GPC3: variants seen among roughly 807,000 people sequenced by gnomAD.
GPC3 encodes the protein glypican 3, also known as glypican-3.
GPC3 carries 3 observed loss-of-function variants against 34.4 expected under a neutral mutation model. The ratio of observed to expected loss-of-function variants is 0.09; its 90% confidence interval spans 0.04 to 0.23. The LOEUF is 0.23. Ranked by LOEUF, GPC3 falls within the 10% of genes least tolerant of loss-of-function variation. The probability of loss-of-function intolerance (pLI) is 1.00; values close to 1 mark genes in which losing one functional copy is unlikely to be tolerated. For synonymous variants in GPC3, 177 were observed against 174.0 expected (o/e 1.02, Z -0.13); for missense variants, 351 against 445.6 (o/e 0.79, Z 1.91).
At chrX:133,759,487 A>G (rs1275861150) in intron 2 of GPC3, among the ~76,000 whole-genome samples, 2 of 112,344 alleles carry the variant, frequency 1.8e-5, no homozygotes, top group Non-Finnish European at 3.8e-5. Flanking sequence ...GATCTTTGAC[A>G]AAAGAGCAGA....
intron 1 of GPC3, among the ~76,000 whole-genome samples, chrX:133,982,323 C>A (rs1016003547): frequency 9.0e-6 from 1 of 111,690 alleles, no homozygotes; most frequent in Non-Finnish European, 1.9e-5. Flanking sequence ...TAACTCTGTG[C>A]GCCTGGTTTC....
intron 3 of GPC3, among the ~76,000 whole-genome samples, chrX:133,707,716 T>C (rs2071230719): frequency 9.0e-6 from 1 of 111,585 alleles, no homozygotes; most frequent in African/African-American, 3.3e-5. Flanking sequence ...ATAATTAATA[T>C]AATTAATAGT....
At chrX:133,825,812 G>A (rs2075743290) in intron 2 of GPC3, among the ~76,000 whole-genome samples, 1 of 111,799 alleles carries the variant, frequency 8.9e-6, no homozygotes, top group African/African-American at 3.3e-5. Context: ...CTAAGGCAGA[G>A]TTGTCAACTG....
chrX:133,586,175 C>T (rs1035370135), intron 7 of GPC3, among the ~76,000 whole-genome samples: 7 of 111,797 alleles, frequency 6.3e-5, no homozygotes, highest in African/African-American at 2.0e-4. Flanking sequence ...TTAACCTTTG[C>T]TCATTCTCAT....
chrX:133,966,139 C>T (rs921610682), intron 1 of GPC3, among the ~76,000 whole-genome samples: 17 of 112,160 alleles, frequency 1.5e-4, no homozygotes, highest in Non-Finnish European at 3.0e-4. Context: ...GCCCATATTC[C>T]AGAAAGTCTG....
At chrX:133,644,872 C>T (rs929369915) in intron 6 of GPC3, among the ~76,000 whole-genome samples, 6 of 110,835 alleles carry the variant, frequency 5.4e-5, no homozygotes, top group African/African-American at 2.0e-4. Flanking sequence ...CCTCCGCCTC[C>T]CAGGTTCAAG....
intron 6 of GPC3, among the ~76,000 whole-genome samples, chrX:133,657,698 A>G (rs775772292): frequency 2.7e-5 from 3 of 111,502 alleles, no homozygotes; most frequent in African/African-American, 9.8e-5. Context: ...TCAAGGTTAT[A>G]CCATGGGACT....
intron 2 of GPC3, among the ~76,000 whole-genome samples, chrX:133,839,656 C>T (rs892670984): frequency 9.0e-6 from 1 of 110,569 alleles, no homozygotes; most frequent in African/African-American, 3.3e-5. Flanking sequence ...ACAGGCCTGG[C>T]GTGGTGGCTT....
chrX:133,808,410 A>G (rs2075647064), intron 2 of GPC3, among the ~76,000 whole-genome samples: 1 of 112,381 alleles, frequency 8.9e-6, no homozygotes, highest in African/African-American at 3.2e-5. Context: ...CCCAAAATAC[A>G]ACTCAAAGCT....
At chrX:133,679,388 G>A (rs1270464144) in intron 5 of GPC3, among the ~76,000 whole-genome samples, 1 of 111,229 alleles carries the variant, frequency 9.0e-6, no homozygotes, top group East Asian at 2.8e-4. Flanking sequence ...TCTTATTGGA[G>A]GCTCACAGCA....
Position 133,649,266 on chromosome X carries a change from A to ATG in GPC3, c.1413+12463_1413+12464insCA, listed in dbSNP as rs202148663. ...CCTAATAAATGACGAGGATATATATATATGTGTGTGTGTGTGTGTGTGTGT... is the reference window on the plus strand; with the variant it reads ...CCTAATAAATGACGAGGATATATATATGTATGTGTGTGTGTGTGTGTGTGTGT... On this transcript the variant is annotated intron_variant, in intron 6 of 7. Coordinates refer to ENST00000370818, the MANE Select transcript of GPC3 (RefSeq NM_004484.4). 6.6e-3 allele frequency among the ~76,000 whole-genome samples: 655 copies of ATG among 99,510 alleles called. 3 individuals carry two copies. The highest frequency in any genetic ancestry group is 0.022 in the African/African-American group (615 of 27,843). 86.4% of individuals were successfully genotyped at this position (99,510 alleles called of 115,157 possible). A position where few individuals can be genotyped will look rare whatever the true frequency, so the allele number is the denominator to read the frequency against.
chrX:133,539,928 A>C lies in GPC3; in HGVS notation c.1574-3635T>G, dbSNP rs754498872. Among the ~76,000 whole-genome samples the C allele has an allele frequency of 2.7e-5, 3 of 112,659 alleles. No homozygotes were observed. The South Asian group carries it at 1.1e-3, about 42-fold the overall frequency. On this transcript the variant is annotated intron_variant, in intron 7 of 7. Coordinates refer to ENST00000370818, the MANE Select transcript of GPC3 (RefSeq NM_004484.4). ...GACATTTCTGGACAGGGGAAATGTA[A>C]TCCAATTTAATTCAACAAACAAAAC... is the stretch of plus-strand genomic sequence containing the variant.
intron 2 of GPC3, among the ~76,000 whole-genome samples, chrX:133,926,859 T>C (rs1397158434): frequency 9.2e-6 from 1 of 108,606 alleles, no homozygotes; most frequent in Non-Finnish European, 1.9e-5. Flanking sequence ...GGTCTTTTGT[T>C]TGAGGTAGCT....
chrX:133,763,181 C>T lies in GPC3; in HGVS notation c.338-9005G>A, dbSNP rs1005299199. On this transcript the variant is annotated intron_variant, in intron 2 of 7. Coordinates refer to ENST00000370818, the MANE Select transcript of GPC3 (RefSeq NM_004484.4). ...CTTCTTGTGGTTACTGACCCCAGGGCTGACCACCAGCCTCTCACAGAGGCA... is the reference window on the plus strand; with the variant it reads ...CTTCTTGTGGTTACTGACCCCAGGGTTGACCACCAGCCTCTCACAGAGGCA... 3 of 683,510 alleles carry T rather than the reference C, an allele frequency of 4.4e-6. No individual in the cohort carries two copies. In the Admixed American group the frequency reaches 6.7e-5, roughly 15 times the overall value. 56.3% of individuals were successfully genotyped at this position (683,510 alleles called of 1,213,427 possible). A position where few individuals can be genotyped will look rare whatever the true frequency, so the allele number is the denominator to read the frequency against.
intron 6 of GPC3, among the ~76,000 whole-genome samples, chrX:133,602,756 A>G (rs1396391055): frequency 8.9e-6 from 1 of 111,934 alleles, no homozygotes; most frequent in Non-Finnish European, 1.9e-5. Flanking sequence ...TAATCACTAC[A>G]CATTGTATAC....
chrX:133,667,014 C>T (rs927773083), intron 5 of GPC3, among the ~76,000 whole-genome samples: 5 of 111,553 alleles, frequency 4.5e-5, no homozygotes, highest in Admixed American at 9.5e-5. Flanking sequence ...TAATATATAA[C>T]GAATGAGATT....
intron 2 of GPC3, among the ~76,000 whole-genome samples, chrX:133,937,587 C>T (rs1400823103): frequency 7.2e-5 from 8 of 110,405 alleles, no homozygotes; most frequent in African/African-American, 1.6e-4. Flanking sequence ...AAAACCTACA[C>T]GTGTGAAATA....
intron 2 of GPC3, among the ~76,000 whole-genome samples, chrX:133,771,238 C>A (rs1367794083): frequency 8.9e-6 from 1 of 112,468 alleles, no homozygotes; most frequent in Non-Finnish European, 1.9e-5. Context: ...CATTCAAGAC[C>A]GCTTATTTTA....
Position 133,670,936 on chromosome X carries a change from T to C in GPC3, c.1293-9086A>G, listed in dbSNP as rs140527955. 284 of 411,752 alleles carry C rather than the reference T, an allele frequency of 6.9e-4. 3 individuals are homozygous for C. The East Asian group carries it at 0.01, about 15-fold the overall frequency. The allele number at this position is 411,752 out of a possible 1,213,427, so 33.9% of individuals were successfully genotyped here. ...GCACATATCTAAATAAAAATGTCTTTCTCCTCCCTGGCTGTCTGAGGATAG... is the reference window on the plus strand; with the variant it reads ...GCACATATCTAAATAAAAATGTCTTCCTCCTCCCTGGCTGTCTGAGGATAG... On this transcript the variant is annotated intron_variant, in intron 5 of 7. Transcript: ENST00000370818.
Sources: gnomAD v4.1 joint callset for allele counts (sites outside exome capture counted in the v4.1 genomes callset) on GRCh38, gnomAD v4.1.1 for gene constraint, MANE v1.5 for transcripts, NCBI Gene and HGNC (gene_info 2026-07-23, HGNC 2026-07-21) for gene names.